MIOS: variants seen among roughly 807,000 people sequenced by gnomAD.
MIOS encodes GATOR2 complex protein MIOS.
A neutral mutation model predicts 96.9 loss-of-function variants in MIOS; 52 were observed. The observed-to-expected ratio is 0.54, with a 90% CI of 0.43 to 0.68. The LOEUF (loss-of-function observed/expected upper bound fraction) is 0.68, where lower values mean the gene tolerates loss of function less well. Among genes scored for constraint, MIOS ranks in the 30% least tolerant of loss-of-function variants. The probability of loss-of-function intolerance (pLI) is 0.00; values close to 1 mark genes in which losing one functional copy is unlikely to be tolerated. For missense variants in MIOS, 1,005 were observed against 1,052.8 expected, an observed-to-expected ratio of 0.95 and a Z score of 0.63; for synonymous variants, 397 against 359.5, an observed-to-expected ratio of 1.10 and a Z score of -1.18.
intron 11 of MIOS, among the ~76,000 whole-genome samples, chr7:7,603,626 A>C (rs1208276654): frequency 1.3e-5 from 2 of 152,210 alleles, no homozygotes; most frequent in Admixed American, 6.5e-5. Context: ...ACTGTAAACT[A>C]GTTCAACCAT....
rs552924611 is a variant in MIOS, at chr7:7,569,634, C to A, written c.-41+1511C>A. 3.5e-4 allele frequency among the ~76,000 whole-genome samples: 54 copies of A among 152,250 alleles called. No individual in the cohort carries two copies. The South Asian group carries it at 0.011, about 30-fold the overall frequency. On this transcript the variant is annotated intron_variant, in intron 3 of 12. Transcript: ENST00000340080. ...TGGGGACTAGAGGTACAATGGAACA[C>A]CAAAAATACTTCACCTGCTCTCATG...
chr7:7,576,857 A>G (rs1000562929), intron 5 of MIOS, among the ~76,000 whole-genome samples: 4 of 152,310 alleles, frequency 2.6e-5, no homozygotes, highest in Admixed American at 2.6e-4. Flanking sequence ...AAATTTAATG[A>G]TTAATTAGAT....
chr7:7,580,828 A>G (rs1042460248), intron 5 of MIOS, among the ~76,000 whole-genome samples: 3 of 150,632 alleles, frequency 2.0e-5, no homozygotes, highest in Non-Finnish European at 4.4e-5. Context: ...CTGGGACTAC[A>G]GGTGCACACC....
In MIOS at chr7:7,606,036, C is replaced by T. The variant is rs138085974; in HGVS notation, c.2496C>T (p.His832=). ...TTACATGGTGTCATAATTGCAGGCA[C>T]GGTGGACATGCTGGACATATGCTTA... ...NWFTWCHNCR[H]GGHAGHMLSW... The change falls in exon 12 of 13, where the codon CAC becomes CAT. Residue 832 remains histidine, a synonymous_variant. Coordinates refer to ENST00000340080, the MANE Select transcript of MIOS (RefSeq NM_019005.4). 8.7e-3 allele frequency: 13,980 copies of T among 1,613,754 alleles called. 206 individuals carry two copies. The highest frequency in any genetic ancestry group is 0.047 in the South Asian group (4,246 of 91,034).
chr7:7,585,137 T>C (rs961674125), intron 6 of MIOS, among the ~76,000 whole-genome samples: 1 of 152,206 alleles, frequency 6.6e-6, no homozygotes, highest in Non-Finnish European at 1.5e-5. Context: ...TATAAGTGTT[T>C]TTGAAATACC....
chr7:7,582,382 T>A (rs988257546), intron 5 of MIOS, among the ~76,000 whole-genome samples: 4 of 152,200 alleles, frequency 2.6e-5, no homozygotes, highest in Non-Finnish European at 5.9e-5. Context: ...TCGTTTTGAC[T>A]TTATTTGGCA....
intron 11 of MIOS, among the ~76,000 whole-genome samples, chr7:7,602,625 A>G (rs572560475): frequency 6.6e-6 from 1 of 152,228 alleles, no homozygotes; most frequent in African/African-American, 2.4e-5. Context: ...GGAAGAATCA[A>G]TATCATGAAA....
At chr7:7,604,661 T>C (rs897048691) in intron 11 of MIOS, among the ~76,000 whole-genome samples, 1 of 152,236 alleles carries the variant, frequency 6.6e-6, no homozygotes, top group Non-Finnish European at 1.5e-5. Flanking sequence ...TCTGTGGCAC[T>C]TGTCTTCATA....
rs140712934 is a variant in MIOS, at chr7:7,569,069, A to T, written c.-41+946A>T. On this transcript the variant is annotated intron_variant, in intron 3 of 12. Transcript: ENST00000340080. ...CGGGTTGTGGAATGAAAGCCTAGAT[A>T]AAAAGTGTGTTTATTTAAACATTGA... Among the ~76,000 whole-genome samples the T allele has an allele frequency of 1.4e-3, 216 of 152,340 alleles. 1 individual carries two copies. Among genetic ancestry groups the T allele is most frequent in the African/African-American group, 5.1e-3 (210 of 41,584 alleles).
Position 7,572,297 on chromosome 7 carries a change from A to C in MIOS, c.-40-139A>C. 2.1e-6 allele frequency: 1 copy of C among 472,308 alleles called. No homozygotes were observed. The highest frequency in any genetic ancestry group is 3.7e-6 in the Non-Finnish European group (1 of 269,288). 29.3% of individuals were successfully genotyped at this position (472,308 alleles called of 1,614,324 possible). A position where few individuals can be genotyped will look rare whatever the true frequency, so the allele number is the denominator to read the frequency against. ...ATAAATATTTTCTTGAATTCATAGCAGATAGAGAGAAGAAATACAAATATA... is the reference window on the plus strand; with the variant it reads ...ATAAATATTTTCTTGAATTCATAGCCGATAGAGAGAAGAAATACAAATATA... On this transcript the variant is annotated intron_variant, in intron 3 of 12. Coordinates refer to ENST00000340080, the MANE Select transcript of MIOS (RefSeq NM_019005.4). This position sits in a 1 kb window ranked among gnomAD's most constrained non-coding sequence, Gnocchi z 4.8.
chr7:7,572,686 A>G lies in MIOS; in HGVS notation c.211A>G (p.Asn71Asp). Residue 71 changes from asparagine to aspartate, a missense_variant, in exon 4 of 13, where the codon AAT becomes GAT. By Grantham distance (23) the Asn-to-Asp change is conservative. Coordinates refer to ENST00000340080, the MANE Select transcript of MIOS (RefSeq NM_019005.4). This position sits in a 1 kb window ranked among gnomAD's most constrained non-coding sequence, Gnocchi z 4.8. ...PYMKCVAWYL[N>D]YDPECLLAVG... Reference sequence around the variant, plus strand: ...TATGAAATGTGTTGCCTGGTATCTTAATTATGATCCTGAATGTCTGCTGGC... The same window carrying G: ...TATGAAATGTGTTGCCTGGTATCTTGATTATGATCCTGAATGTCTGCTGGC... 6.2e-7 allele frequency: 1 copy of G among 1,614,206 alleles called. No homozygotes were observed. Among genetic ancestry groups the G allele is most frequent in the Non-Finnish European group, 8.5e-7 (1 of 1,180,022 alleles).
At chr7:7,591,034 A>C (rs1784033709) in intron 9 of MIOS, among the ~76,000 whole-genome samples, 1 of 152,212 alleles carries the variant, frequency 6.6e-6, no homozygotes, top group Non-Finnish European at 1.5e-5. Flanking sequence ...GTAAATTATG[A>C]AAAGAAAACA....
At chr7:7,570,017 G>A (rs1330939282) in intron 3 of MIOS, among the ~76,000 whole-genome samples, 1 of 139,604 alleles carries the variant, frequency 7.2e-6, no homozygotes, top group Non-Finnish European at 1.6e-5. Flanking sequence ...ACCATTAGAG[G>A]GTTTTAAGCA....
At chr7:7,567,933 T>A (rs374133070) in intron 2 of MIOS, 93 bp from the exon 3 acceptor site, 1 of 152,378 alleles carries the variant, frequency 6.6e-6, no homozygotes, top group East Asian at 1.9e-4. Context: ...ATAAAATGTG[T>A]TTTTAAATTT....
intron 1 of MIOS, 164 bp downstream of exon 1, chr7:7,567,236 G>C (rs1028542561): frequency 6.6e-6 from 1 of 152,360 alleles, no homozygotes; most frequent in African/African-American, 2.4e-5. Flanking sequence ...CCGGGCCTCA[G>C]CGGGAGCCAC....
At chr7:7,596,877 A>G (rs531492652) in intron 11 of MIOS, among the ~76,000 whole-genome samples, 55 of 152,276 alleles carry the variant, frequency 3.6e-4, no homozygotes, top group Middle Eastern at 3.4e-3. Flanking sequence ...TTCTTCCTTC[A>G]TCTTCAAAAC....
rs769927093 is a variant in MIOS at position 7,607,098 on chromosome 7, T to A, written c.*6T>A. Reference sequence around the variant, plus strand: ...CAGAGACTGTCCAGCCATAAAATGTTACCACCTTAAGAGAACCCTTCAAGT... The same window carrying A: ...CAGAGACTGTCCAGCCATAAAATGTAACCACCTTAAGAGAACCCTTCAAGT... On this transcript the variant is annotated 3_prime_UTR_variant, in exon 13 of 13. Transcript: ENST00000340080. 1.9e-6 allele frequency: 3 copies of A among 1,604,996 alleles called. No individual in the cohort carries two copies. The highest frequency in any genetic ancestry group is 2.2e-5 in the South Asian group (2 of 90,016).
rs183669060 is a variant in MIOS at position 7,572,381 on chromosome 7, G to A, written c.-40-55G>A. 18 of 888,824 alleles carry A rather than the reference G, an allele frequency of 2.0e-5. No homozygotes were observed. The highest frequency in any genetic ancestry group is 5.1e-5 in the African/African-American group (3 of 58,964). 55.1% of individuals were successfully genotyped at this position (888,824 alleles called of 1,614,324 possible). A position where few individuals can be genotyped will look rare whatever the true frequency, so the allele number is the denominator to read the frequency against. ...TGACTTTCTGAATAGTTTATTCAACGTAAGAATTATATTTTGCTGATATTT... is the reference window on the plus strand; with the variant it reads ...TGACTTTCTGAATAGTTTATTCAACATAAGAATTATATTTTGCTGATATTT... On this transcript the variant is annotated intron_variant, in intron 3 of 12. Transcript: ENST00000340080. The surrounding 1 kb of genome is among the most constrained non-coding windows in gnomAD (Gnocchi z 4.8).
intron 5 of MIOS, among the ~76,000 whole-genome samples, chr7:7,575,378 C>A (rs1438291500): frequency 2.0e-5 from 3 of 151,974 alleles, no homozygotes; most frequent in Non-Finnish European, 4.4e-5. Flanking sequence ...AGACTACTTA[C>A]TGATCAGTTT....
Sources: gnomAD v4.1 joint callset for allele counts (sites outside exome capture counted in the v4.1 genomes callset) on GRCh38, gnomAD v4.1.1 for gene constraint, Gnocchi (gnomAD v3.1) non-coding constraint, MANE v1.5 for transcripts, NCBI Gene and HGNC (gene_info 2026-07-23, HGNC 2026-07-21) for gene names.